STAC: variants seen among roughly 807,000 people sequenced by gnomAD.
STAC encodes the protein SH3 and cysteine rich domain.
Under a neutral mutation model 48.8 loss-of-function variants are expected in STAC, and 43 were observed. The observed-to-expected ratio is 0.88, with a 90% CI of 0.69 to 1.14. The LOEUF is 1.14. Among genes scored for constraint, STAC ranks in the 50% most tolerant of loss-of-function variants. The pLI is 0.00. For missense variants in STAC, 497 were observed against 504.0 expected (o/e 0.99, Z 0.13); for synonymous variants, 193 against 179.5 (o/e 1.07, Z -0.60).
intron 10 of STAC, among the ~76,000 whole-genome samples, chr3:36,539,912 A>G (rs1367368557): frequency 6.6e-6 from 1 of 152,198 alleles, no homozygotes; most frequent in African/African-American, 2.4e-5. Context: ...AAAACTTGGA[A>G]TATGTTACTT....
intron 2 of STAC, among the ~76,000 whole-genome samples, chr3:36,449,439 A>G (rs1394427587): frequency 6.6e-6 from 1 of 152,212 alleles, no homozygotes; most frequent in East Asian, 1.9e-4. Context: ...GCAAGGGCAG[A>G]TTCATTAAAG....
At chr3:36,384,676 C>T (rs1218189679) in intron 1 of STAC, among the ~76,000 whole-genome samples, 20 of 152,066 alleles carry the variant, frequency 1.3e-4, no homozygotes. Context: ...AGCTATTTTG[C>T]ATCCCCAAGA....
intron 10 of STAC, among the ~76,000 whole-genome samples, chr3:36,533,761 G>C (rs780321112): frequency 6.6e-6 from 1 of 151,940 alleles, no homozygotes; most frequent in Non-Finnish European, 1.5e-5. Context: ...AGGAGGTAAG[G>C]CAAACAATTC....
At chr3:36,462,965 T>G (rs761452355) in intron 2 of STAC, among the ~76,000 whole-genome samples, 2 of 152,188 alleles carry the variant, frequency 1.3e-5, no homozygotes, top group Non-Finnish European at 2.9e-5. Flanking sequence ...ATTGTTAGGT[T>G]GACAGCTATT....
chr3:36,537,603 G>C lies in STAC; in HGVS notation c.1111-8588G>C, dbSNP rs185850029. The stretch of plus-strand genomic sequence containing the variant: ...TCAGGATAAAAATATAATGCACGTG[G>C]GCTTAATACCTAGGTGATGGGTTGA... On this transcript the variant is annotated intron_variant, in intron 10 of 10. Coordinates refer to ENST00000273183, the MANE Select transcript of STAC (RefSeq NM_003149.3). Among the ~76,000 whole-genome samples, 11 of 152,054 alleles carry C rather than the reference G, an allele frequency of 7.2e-5. No individual in the cohort carries two copies. In the East Asian group the frequency reaches 2.1e-3, roughly 29 times the overall value.
intron 2 of STAC, among the ~76,000 whole-genome samples, chr3:36,475,019 G>A (rs755282037): frequency 9.9e-5 from 15 of 152,158 alleles, no homozygotes; most frequent in South Asian, 2.1e-4. Flanking sequence ...GTGCGCGCGC[G>A]CACGCATGTG....
chr3:36,385,455 C>A (rs943339560), intron 1 of STAC, among the ~76,000 whole-genome samples: 2 of 152,006 alleles, frequency 1.3e-5, no homozygotes, highest in Non-Finnish European at 2.9e-5. Flanking sequence ...ATTCTCATAA[C>A]CACAGTGACC....
At chr3:36,515,029 C>T (rs1366655678) in intron 8 of STAC, among the ~76,000 whole-genome samples, 1 of 148,812 alleles carries the variant, frequency 6.7e-6, no homozygotes, top group Non-Finnish European at 1.5e-5. Context: ...CAGAGCAAGA[C>T]TCTGTCTCCA....
rs1276414915 is a variant in STAC at position 36,546,273 on chromosome 3, T to A, written c.1193T>A (p.Val398Glu). 1 of 1,613,896 alleles carries A rather than the reference T, an allele frequency of 6.2e-7. No individual in the cohort carries two copies. The highest frequency in any genetic ancestry group is 2.2e-5 in the East Asian group (1 of 44,862). ...GKKKGLIPLDVLENI is the reference protein window; with the variant it reads ...GKKKGLIPLDELENI ...AAGAAAGGCCTCATCCCCCTTGATG[T>A]ACTAGAAAACATCTGATTGCTGGCT... The change falls in exon 11 of 11, where the codon GTA becomes GAA. Residue 398 changes from valine (V) to glutamate (E), a missense_variant. Transcript: ENST00000273183.
intron 2 of STAC, among the ~76,000 whole-genome samples, chr3:36,458,337 G>A (rs568158694): frequency 4.6e-5 from 7 of 152,226 alleles, no homozygotes; most frequent in African/African-American, 1.7e-4. Context: ...ACTATTGAGA[G>A]ATATCTAAAG....
intron 10 of STAC, among the ~76,000 whole-genome samples, chr3:36,539,167 T>C (rs1699265342): frequency 6.6e-6 from 1 of 152,184 alleles, no homozygotes. Flanking sequence ...TTCTTCTCAG[T>C]CAGCCCCTTT....
intron 2 of STAC, among the ~76,000 whole-genome samples, chr3:36,453,851 T>A (rs1696767760): frequency 6.6e-6 from 1 of 152,062 alleles, no homozygotes; most frequent in African/African-American, 2.4e-5. Context: ...TAGCTCAAGG[T>A]TTGTAAACAC....
chr3:36,434,358 A>G (rs925172898), intron 1 of STAC, among the ~76,000 whole-genome samples: 17 of 152,258 alleles, frequency 1.1e-4, no homozygotes, highest in Admixed American at 7.2e-4. Flanking sequence ...TGAACAAGGC[A>G]TAACTATTTT....
chr3:36,510,457 G>C (rs940767941), intron 8 of STAC, among the ~76,000 whole-genome samples: 10 of 152,106 alleles, frequency 6.6e-5, no homozygotes, highest in South Asian at 2.1e-4. Flanking sequence ...CCATTACTGG[G>C]TATATACCCA....
intron 10 of STAC, among the ~76,000 whole-genome samples, chr3:36,543,111 G>T (rs994545884): frequency 6.6e-6 from 1 of 152,080 alleles, no homozygotes; most frequent in Non-Finnish European, 1.5e-5. Context: ...TGAGCAAACC[G>T]AGACAAGTTG....
In STAC at chr3:36,546,188, C is replaced by T. The variant is rs886560877; in HGVS notation, c.1111-3C>T. ...TTTGTTTTTTTTCTTCCTTGGCATTCAGATCTGCGTGAGTTCTGAAGAAGA... is the reference window on the plus strand; with the variant it reads ...TTTGTTTTTTTTCTTCCTTGGCATTTAGATCTGCGTGAGTTCTGAAGAAGA... On this transcript the variant is annotated splice_polypyrimidine_tract_variant and splice_region_variant and intron_variant, in intron 10 of 10. Transcript: ENST00000273183. 21 of 1,613,422 alleles carry T rather than the reference C, an allele frequency of 1.3e-5. No homozygotes were observed. The highest frequency in any genetic ancestry group is 1.7e-5 in the Non-Finnish European group (20 of 1,179,526).
At chr3:36,491,536 T>C (rs535658125) in intron 5 of STAC, among the ~76,000 whole-genome samples, 1 of 152,274 alleles carries the variant, frequency 6.6e-6, no homozygotes, top group East Asian at 1.9e-4. Context: ...AGAGACCCTG[T>C]GACTTTTTTT....
intron 8 of STAC, among the ~76,000 whole-genome samples, chr3:36,525,676 T>C (rs1233820755): frequency 4.6e-5 from 7 of 152,252 alleles, no homozygotes; most frequent in African/African-American, 9.6e-5. Context: ...AAATAAAATC[T>C]GCTGGGGCTT....
intron 8 of STAC, among the ~76,000 whole-genome samples, chr3:36,507,471 G>C (rs541452796): frequency 6.6e-6 from 1 of 152,062 alleles, no homozygotes; most frequent in Non-Finnish European, 1.5e-5. Flanking sequence ...TCTATTGTTT[G>C]GAATAGTTTC....
Sources: allele counts gnomAD v4.1 joint callset (sites outside exome capture counted in the v4.1 genomes callset), GRCh38; gene constraint gnomAD v4.1.1; transcripts MANE v1.5; gene names NCBI Gene and HGNC (gene_info 2026-07-23, HGNC 2026-07-21).